ADGRA1: variants seen among roughly 807,000 people sequenced by gnomAD.
The protein encoded by ADGRA1 is G-protein coupled receptor 123.
Under a neutral mutation model 21.3 loss-of-function variants are expected in ADGRA1, and 12 were observed. The ratio of observed to expected loss-of-function variants is 0.56; its 90% CI spans 0.36 to 0.91. The LOEUF (loss-of-function observed/expected upper bound fraction) is 0.91. Ranked by LOEUF, ADGRA1 falls within the 40% of genes least tolerant of loss-of-function variation. The pLI is 0.01. For missense variants in ADGRA1, 790 were observed against 805.6 expected, an observed-to-expected ratio of 0.98 and a Z score of 0.23; for synonymous variants, 385 against 368.8, an observed-to-expected ratio of 1.04 and a Z score of -0.50.
intron 5 of ADGRA1, among the ~76,000 whole-genome samples, chr10:133,112,373 T>TGTCGGTTATTTGGGGTCTACGGGCTAC (rs1564850028): frequency 0.021 from 2,525 of 120,996 alleles, 77 homozygotes; most frequent in African/African-American, 0.026. Flanking sequence ...CTGCGGGCCG[T>TGTCGGTTATTTGGGGTCTACGGGCTAC]GTCGGTTATT....
intron 4 of ADGRA1, among the ~76,000 whole-genome samples, chr10:133,099,683 G>A (rs540903510): frequency 3.3e-5 from 5 of 152,232 alleles, no homozygotes; most frequent in South Asian, 2.1e-4. Context: ...GGACCTGCCC[G>A]GAGCCTCTGT....
chr10:133,124,179 G>A (rs1299112313), intron 5 of ADGRA1, among the ~76,000 whole-genome samples: 1 of 148,170 alleles, frequency 6.7e-6, no homozygotes, highest in Non-Finnish European at 1.5e-5. Context: ...CCCCGGCCAG[G>A]CCACCCTCTT....
In ADGRA1 at chr10:133,088,878, G is replaced by A. The variant is rs757641032; in HGVS notation, c.-32G>A. On this transcript the variant is annotated 5_prime_UTR_variant, in exon 2 of 7. Transcript: ENST00000392607. Reference sequence around the variant, plus strand: ...CCTCCCCCTGGACGCCTCCTCCAGCGGCGCTCACGCTTCCGCAACTTTGCA... The same window carrying A: ...CCTCCCCCTGGACGCCTCCTCCAGCAGCGCTCACGCTTCCGCAACTTTGCA... 1.8e-5 allele frequency: 22 copies of A among 1,238,636 alleles called. No individual in the cohort carries two copies. In the East Asian group the frequency reaches 3.1e-4, roughly 18 times the overall value. The allele number at this position is 1,238,636 out of a possible 1,614,324, so 76.7% of individuals were successfully genotyped here.
intron 1 of ADGRA1, 22 bp downstream of exon 1, chr10:133,088,160 G>A (rs1205084204): frequency 1.0e-6 from 1 of 968,398 alleles, no homozygotes; most frequent in African/African-American, 1.8e-5. Context: ...GCGCGGGTCT[G>A]GGCGGCGGGA....
intron 5 of ADGRA1, among the ~76,000 whole-genome samples, chr10:133,113,152 ATTTGAGGTCTGTAAGCCGCG>A (rs1458897803): frequency 2.4e-3 from 96 of 39,456 alleles, no homozygotes; most frequent in African/African-American, 0.01. Flanking sequence ...CACGTCGGTT[ATTTGAGGTCTGTAAGCCGCG>A]TCGGTTATTT....
intron 5 of ADGRA1, among the ~76,000 whole-genome samples, chr10:133,103,309 A>G (rs1353133007): frequency 1.3e-5 from 2 of 152,158 alleles, no homozygotes; most frequent in Non-Finnish European, 2.9e-5. Context: ...CTTCGGCTTC[A>G]TGGTCTCCGT....
rs368145789 is a variant in ADGRA1 at position 133,102,819 on chromosome 10, G to A, written c.378G>A (p.Pro126=). Residue 126 remains proline, a synonymous_variant, in exon 5 of 7, where the codon CCG becomes CCA. Coordinates refer to ENST00000392607, the MANE Select transcript of ADGRA1 (RefSeq NM_001083909.3). ...TGTGCCTGGACACAGACCAGCCACC[G>A]TACCCCAGGCAGCCCCTGCTCAGGT... is the stretch of plus-strand genomic sequence containing the variant. ...APLCLDTDQP[P]YPRQPLLRFY... is the part of the protein sequence containing the mutation. 35 of 1,611,676 alleles carry A rather than the reference G, an allele frequency of 2.2e-5. No homozygotes were observed. Among genetic ancestry groups the A allele is most frequent in the African/African-American group, 1.1e-4 (8 of 74,892 alleles).
chr10:133,126,102 C>G (rs557859115), intron 5 of ADGRA1, among the ~76,000 whole-genome samples: 2 of 152,332 alleles, frequency 1.3e-5, no homozygotes, highest in Non-Finnish European at 2.9e-5. Flanking sequence ...GTCCGCAGCA[C>G]GGACCCTCGG....
At chr10:133,106,827 G>T (rs145180743) in intron 5 of ADGRA1, among the ~76,000 whole-genome samples, 1 of 152,230 alleles carries the variant, frequency 6.6e-6, no homozygotes, top group Non-Finnish European at 1.5e-5. Flanking sequence ...TCTCACCCCC[G>T]CGGCTCAGAG....
rs149279537 is a variant in ADGRA1 at position 133,097,039 on chromosome 10, G to A, written c.69G>A (p.Ala23=). ...AGTTCCTGCACCCCGTGGTGTACGC[G>A]TGCACGGCCGTCATGCTGCTCTGCC... The part of the protein sequence containing the change: ...PGEFLHPVVY[A]CTAVMLLCLL... The change falls in exon 3 of 7, where the codon GCG becomes GCA. Residue 23 remains alanine, a synonymous_variant. Transcript: ENST00000392607. The A allele has an allele frequency of 5.9e-5, 95 of 1,611,818 alleles. No individual in the cohort carries two copies. In the Middle Eastern group the frequency reaches 8.2e-4, roughly 14 times the overall value.
intron 5 of ADGRA1, among the ~76,000 whole-genome samples, chr10:133,109,169 C>A (rs185572701): frequency 6.6e-6 from 1 of 151,734 alleles, no homozygotes; most frequent in African/African-American, 2.4e-5. Flanking sequence ...TCCCAGCATT[C>A]GTGTCTGGGT....
chr10:133,103,734 G>T (rs951909478), intron 5 of ADGRA1, among the ~76,000 whole-genome samples: 2 of 152,224 alleles, frequency 1.3e-5, no homozygotes, highest in Non-Finnish European at 2.9e-5. Flanking sequence ...TGCTTTAGAC[G>T]GGGGTCTGGC....
chr10:133,104,515 C>T (rs1388868062), intron 5 of ADGRA1, among the ~76,000 whole-genome samples: 3 of 152,196 alleles, frequency 2.0e-5, no homozygotes, highest in African/African-American at 4.8e-5. Flanking sequence ...CGGCACTGAC[C>T]GGCGGACCCA....
At chr10:133,110,490 A>T (rs944346767) in intron 5 of ADGRA1, among the ~76,000 whole-genome samples, 1 of 152,084 alleles carries the variant, frequency 6.6e-6, no homozygotes, top group African/African-American at 2.4e-5. Context: ...TGACCCAGGC[A>T]CCTGCCACGC....
rs1224124759 is a variant in ADGRA1 at position 133,127,928 on chromosome 10, G to A, written c.501-401G>A. Among the ~76,000 whole-genome samples, 4 of 115,602 alleles carry A rather than the reference G, an allele frequency of 3.5e-5. No individual in the cohort carries two copies. The East Asian group carries it at 9.9e-4, about 29-fold the overall frequency. The allele number at this position is 115,602 out of a possible 152,430, so 75.8% of individuals were successfully genotyped here. ...CCACGCCCACCAGGCTCCACCCTCTGCCTGGCCCCTCCCATCCAGCTCTGC... is the reference window on the plus strand; with the variant it reads ...CCACGCCCACCAGGCTCCACCCTCTACCTGGCCCCTCCCATCCAGCTCTGC... On this transcript the variant is annotated intron_variant, in intron 6 of 6. Coordinates refer to ENST00000392607, the MANE Select transcript of ADGRA1 (RefSeq NM_001083909.3).
At chr10:133,111,034 C>A (rs1851980729) in intron 5 of ADGRA1, among the ~76,000 whole-genome samples, 1 of 152,014 alleles carries the variant, frequency 6.6e-6, no homozygotes, top group Non-Finnish European at 1.5e-5. Context: ...GTAGGCTGGG[C>A]CACCTGCCCA....
At chr10:133,089,212 G>A (rs1851557865) in intron 2 of ADGRA1, among the ~76,000 whole-genome samples, 2 of 152,206 alleles carry the variant, frequency 1.3e-5, no homozygotes, top group South Asian at 2.1e-4. Context: ...GCTGGCATCC[G>A]TGCCCTGTGA....
At chr10:133,122,321 C>A (rs11101939) in intron 5 of ADGRA1, among the ~76,000 whole-genome samples, 1 of 152,072 alleles carries the variant, frequency 6.6e-6, no homozygotes, top group Admixed American at 6.5e-5. Flanking sequence ...CTGCAGTCTG[C>A]GTCCTCGCCC....
intron 4 of ADGRA1, among the ~76,000 whole-genome samples, chr10:133,101,856 G>A (rs1188241037): frequency 1.3e-5 from 2 of 152,122 alleles, no homozygotes; most frequent in Non-Finnish European, 2.9e-5. Context: ...AACTGCAAAC[G>A]CAGCCCTCCG....
Sources: gnomAD v4.1 joint callset for allele counts (sites outside exome capture counted in the v4.1 genomes callset) on GRCh38, gnomAD v4.1.1 for gene constraint, MANE v1.5 for transcripts, NCBI Gene and HGNC (gene_info 2026-07-23, HGNC 2026-07-21) for gene names.